The following CACNA1B variants were observed in gnomAD, a reference collection of about 807,000 sequenced individuals.
CACNA1B encodes the protein voltage-dependent N-type calcium channel subunit alpha-1B.
Under a neutral mutation model 247.2 loss-of-function variants are expected in CACNA1B, and 70 were observed. The observed-to-expected ratio is 0.28, with a 90% CI of 0.23 to 0.35. CACNA1B has a LOEUF of 0.35. CACNA1B is among the 10% of genes least tolerant of loss of function. The pLI is 1.00. For missense variants in CACNA1B, 2,367 were observed against 3,197.4 expected (o/e 0.74, Z 6.26); for synonymous variants, 1,231 against 1,294.4 (o/e 0.95, Z 1.05).
chr9:137,901,111 G>A (rs1406264447), intron 3 of CACNA1B, among the ~76,000 whole-genome samples: 1 of 149,662 alleles, frequency 6.7e-6, no homozygotes, highest in Non-Finnish European at 1.5e-5. Flanking sequence ...CCTTGTGTCT[G>A]TGTGTCTGTG....
rs1056513866 is a variant in CACNA1B, at chr9:138,124,342, A to G, written c.*2343A>G. On this transcript the variant is annotated 3_prime_UTR_variant, in exon 47 of 47. Coordinates refer to ENST00000371372, the MANE Select transcript of CACNA1B (RefSeq NM_000718.4). ...AATGTATATCTTCGTACTTTTTGATACAATGTATTCATTTGTTAATTTTTA... is the reference window on the plus strand; with the variant it reads ...AATGTATATCTTCGTACTTTTTGATGCAATGTATTCATTTGTTAATTTTTA... The G allele has an allele frequency of 6.6e-6, 1 of 152,110 alleles. No individual in the cohort carries two copies. The highest frequency in any genetic ancestry group is 1.5e-5 in the Non-Finnish European group (1 of 68,034). The allele number at this position is 152,110 out of a possible 1,614,324, so 9.4% of individuals were successfully genotyped here. A position where few individuals can be genotyped will look rare whatever the true frequency, so the allele number is the denominator to read the frequency against.
At chr9:138,022,866 TC>T in intron 18 of CACNA1B, 144 bp from the exon 19 acceptor site, 4 of 1,069,534 alleles carry the variant, frequency 3.7e-6, no homozygotes, top group Non-Finnish European at 3.8e-6. Flanking sequence ...CTGATCCGCG[TC>T]CCCCGAGGGG....
chr9:138,103,113 C>T (rs1249181449), intron 38 of CACNA1B, among the ~76,000 whole-genome samples: 2 of 152,302 alleles, frequency 1.3e-5, no homozygotes, highest in Non-Finnish European at 2.9e-5. Flanking sequence ...TGCCTTTTCT[C>T]CCTCCCTTCC....
intron 6 of CACNA1B, among the ~76,000 whole-genome samples, chr9:137,918,665 G>GT (rs1589005440): frequency 1.3e-5 from 2 of 152,206 alleles, no homozygotes; most frequent in African/African-American, 4.8e-5. Flanking sequence ...TGGTGGACAG[G>GT]TCCTGGGGAG....
chr9:138,091,723 T>C (rs1424791904), intron 36 of CACNA1B, among the ~76,000 whole-genome samples: 1 of 151,824 alleles, frequency 6.6e-6, no homozygotes, highest in African/African-American at 2.4e-5. Flanking sequence ...AAACAAAAAT[T>C]TATAAGAAAG....
Position 138,023,606 on chromosome 9 carries a change from C to T in CACNA1B, c.2863C>T (p.Arg955Cys), listed in dbSNP as rs1394525647. Residue 955 changes from arginine to cysteine, a missense_variant, in exon 19 of 47, where the codon CGC becomes TGC. Transcript: ENST00000371372. ...GTGCGCCGGCGCCAAGGGCGAGCGG[C>T]GCGCGCGGCACCGCGGCGGCCCCCG... ...KECAGAKGER[R>C]ARHRGGPRAG... 2 of 1,122,210 alleles carry T rather than the reference C, an allele frequency of 1.8e-6. No individual in the cohort carries two copies. The highest frequency in any genetic ancestry group is 2.2e-6 in the Non-Finnish European group (2 of 916,104). The allele number at this position is 1,122,210 out of a possible 1,614,324, so 69.5% of individuals were successfully genotyped here.
At chr9:138,046,037 G>A (rs1959182998) in intron 21 of CACNA1B, among the ~76,000 whole-genome samples, 1 of 152,178 alleles carries the variant, frequency 6.6e-6, no homozygotes, top group Non-Finnish European at 1.5e-5. Context: ...TGCCTCTTCT[G>A]GTCCCCCACC....
rs1961218265 is a variant in CACNA1B at position 138,100,553 on chromosome 9, A to G, written c.5223-2158A>G. ...GGAAATTCAACATGATTTGGAGCTG[A>G]TTGGACCGAGGGGGCTACACTGTAG... On this transcript the variant is annotated intron_variant, in intron 37 of 46. Transcript: ENST00000371372. This position sits in a 1 kb window ranked among gnomAD's most constrained non-coding sequence, Gnocchi z 4.6. Among the ~76,000 whole-genome samples, 1 of 152,050 alleles carries G rather than the reference A, an allele frequency of 6.6e-6. No homozygotes were observed. Among genetic ancestry groups the G allele is most frequent in the Non-Finnish European group, 1.5e-5 (1 of 67,998 alleles).
At chr9:137,969,447 C>A (rs1189102558) in intron 10 of CACNA1B, among the ~76,000 whole-genome samples, 1 of 152,130 alleles carries the variant, frequency 6.6e-6, no homozygotes, top group African/African-American at 2.4e-5. Flanking sequence ...TGTGAAAGGG[C>A]AGCATTTCTA....
At chr9:138,096,638 C>T (rs978487982) in intron 37 of CACNA1B, 27 bp downstream of exon 37, 2 of 1,602,216 alleles carry the variant, frequency 1.2e-6, no homozygotes, top group Non-Finnish European at 8.5e-7. Flanking sequence ...GCTCTGTGGT[C>T]CTTGGGGGTG....
chr9:137,991,558 A>G (rs945612778), intron 15 of CACNA1B, among the ~76,000 whole-genome samples: 2 of 152,390 alleles, frequency 1.3e-5, no homozygotes, highest in Non-Finnish European at 2.9e-5. Context: ...TCCAAATACA[A>G]GAACTCAAAA....
chr9:138,068,539 T>G, intron 31 of CACNA1B: 1 of 514,780 alleles, frequency 1.9e-6, no homozygotes, highest in Non-Finnish European at 3.9e-6. Context: ...CCGGAAGCAT[T>G]TAGTCCCAGT....
At chr9:138,043,340 G>A (rs1959150775) in intron 20 of CACNA1B, among the ~76,000 whole-genome samples, 1 of 152,188 alleles carries the variant, frequency 6.6e-6, no homozygotes, top group Non-Finnish European at 1.5e-5. Flanking sequence ...AGGGAGACTG[G>A]ACAACGAGGT....
At chr9:138,106,394 G>A (rs903913174) in intron 39 of CACNA1B, among the ~76,000 whole-genome samples, 3 of 151,078 alleles carry the variant, frequency 2.0e-5, no homozygotes, top group Non-Finnish European at 2.9e-5. Flanking sequence ...CAAGGGTGCC[G>A]TAGTGGCAAT....
chr9:137,968,683 G>A (rs1958110341), intron 10 of CACNA1B, among the ~76,000 whole-genome samples: 1 of 152,208 alleles, frequency 6.6e-6, no homozygotes, highest in African/African-American at 2.4e-5. Flanking sequence ...TCTGGGCTTT[G>A]GTCAGGGCCT....
chr9:138,055,356 C>T (rs1959456766), intron 26 of CACNA1B, among the ~76,000 whole-genome samples: 1 of 152,072 alleles, frequency 6.6e-6, no homozygotes, highest in Admixed American at 6.5e-5. Flanking sequence ...TCTCGAGCTC[C>T]TGGGCTCAAG....
Position 138,121,340 on chromosome 9 carries a change from G to A in CACNA1B, c.6490-129G>A, listed in dbSNP as rs918497602. On this transcript the variant is annotated intron_variant, in intron 46 of 46. Transcript: ENST00000371372. The surrounding 1 kb of genome is among the most constrained non-coding windows in gnomAD (Gnocchi z 6.8). ...GTTGCCTCCCTGGTCACCGCAGCCC[G>A]TTGTCCCCCATTGCCTCCCTCTCTC... is the stretch of plus-strand genomic sequence containing the variant. The A allele has an allele frequency of 4.1e-5, 28 of 676,030 alleles. No homozygotes were observed. The highest frequency in any genetic ancestry group is 2.3e-4 in the East Asian group (8 of 35,150). 41.9% of individuals were successfully genotyped at this position (676,030 alleles called of 1,614,324 possible).
At chr9:138,055,306 T>C (rs1047978317) in intron 26 of CACNA1B, among the ~76,000 whole-genome samples, 1 of 152,006 alleles carries the variant, frequency 6.6e-6, no homozygotes, top group Admixed American at 6.6e-5. Flanking sequence ...ATTTTTAAAA[T>C]TTTTTGTGGA....
At position 137,880,794 on chromosome 9, in the gene CACNA1B, C is replaced by T. The variant is rs1191353873; in HGVS notation, c.390+1635C>T. Among the ~76,000 whole-genome samples the T allele has an allele frequency of 1.3e-5, 2 of 152,156 alleles. No homozygotes were observed. The highest frequency in any genetic ancestry group is 2.9e-5 in the Non-Finnish European group (2 of 68,010). On this transcript the variant is annotated intron_variant, in intron 2 of 46. Transcript: ENST00000371372. This position sits in a 1 kb window ranked among gnomAD's most constrained non-coding sequence, Gnocchi z 4.8. ...GGAGGGGAGGCTGTGCTGCTGCCCA[C>T]AGAGCAGGCCGAGGCTGGGTGGTGC...
Sources: gnomAD v4.1 joint callset for allele counts (sites outside exome capture counted in the v4.1 genomes callset) on GRCh38, gnomAD v4.1.1 for gene constraint, Gnocchi (gnomAD v3.1) non-coding constraint, MANE v1.5 for transcripts, NCBI Gene and HGNC (gene_info 2026-07-23, HGNC 2026-07-21) for gene names.